PSPC1: variants seen among roughly 807,000 people sequenced by gnomAD.
PSPC1 encodes paraspeckle protein 1.
In PSPC1, 14 loss-of-function variants were observed where a neutral mutation model predicts 51.6. The ratio of observed to expected loss-of-function variants is 0.27; its 90% CI spans 0.18 to 0.42. PSPC1 has a LOEUF of 0.42. Ranked by LOEUF, PSPC1 falls within the 10% of genes least tolerant of loss-of-function variation. The probability of loss-of-function intolerance (pLI) is 1.00; values close to 1 mark genes in which losing one functional copy is unlikely to be tolerated. For synonymous variants in PSPC1, 193 were observed against 231.9 expected, an observed-to-expected ratio of 0.83 and a Z score of 1.53; for missense variants, 406 against 701.1, an observed-to-expected ratio of 0.58 and a Z score of 4.75.
At chr13:19,674,449 C>G (rs1388460910), downstream of PSPC1, among the ~76,000 whole-genome samples, 1 of 152,226 alleles carries the variant, frequency 6.6e-6, no homozygotes, top group African/African-American at 2.4e-5. Context: ...AGCTCAGGTG[C>G]TACTTCTGAG....
intron 1 of PSPC1, among the ~76,000 whole-genome samples, chr13:19,775,789 G>A (rs1458392740): frequency 6.6e-6 from 1 of 152,104 alleles, no homozygotes; most frequent in African/African-American, 2.4e-5. Context: ...AGTGGCTCAC[G>A]CCTGTAATCC....
At position 19,761,644 on chromosome 13, in the gene PSPC1, A is replaced by G. The variant is rs187368784; in HGVS notation, c.675-2226T>C. On this transcript the variant is annotated intron_variant, in intron 2 of 8. Transcript: ENST00000338910. ...ACAGTTAAAGCAGGTATGGAATATC[A>G]TGGAGTGGTGGAATGAGATTATAGA... is the stretch of plus-strand genomic sequence containing the variant. Among the ~76,000 whole-genome samples the G allele has an allele frequency of 4.9e-3, 754 of 152,342 alleles. 2 individuals are homozygous for G. The highest frequency in any genetic ancestry group is 0.012 in the Admixed American group (176 of 15,294).
chr13:19,755,504 C>T (rs889371466), intron 3 of PSPC1, among the ~76,000 whole-genome samples: 3 of 151,812 alleles, frequency 2.0e-5, no homozygotes, highest in African/African-American at 7.2e-5. Context: ...AGGAGAATCA[C>T]TTGAACCTGG....
intron 5 of PSPC1, among the ~76,000 whole-genome samples, chr13:19,730,917 A>G (rs1191424452): frequency 1.5e-5 from 2 of 134,190 alleles, no homozygotes; most frequent in Non-Finnish European, 3.1e-5. Context: ...CCTGCACTCC[A>G]GACTGGGCAA....
At chr13:19,772,572 A>C in intron 1 of PSPC1, 29 bp from the exon 2 acceptor site, 1 of 1,555,268 alleles carries the variant, frequency 6.4e-7, no homozygotes, top group African/African-American at 1.4e-5. Context: ...CATTTTTAAA[A>C]GATGACAGTA....
At chr13:19,746,177 G>C (rs541995913) in intron 4 of PSPC1, among the ~76,000 whole-genome samples, 1 of 151,792 alleles carries the variant, frequency 6.6e-6, no homozygotes, top group South Asian at 2.1e-4. Context: ...GCTGAGGTGG[G>C]CGGATCACGA....
At chr13:19,749,743 A>T (rs887648902) in intron 4 of PSPC1, among the ~76,000 whole-genome samples, 4 of 151,468 alleles carry the variant, frequency 2.6e-5, no homozygotes, top group African/African-American at 9.7e-5. Context: ...GGTTCAAGTA[A>T]TTCCCTGCCT....
At position 19,749,699 on chromosome 13, in the gene PSPC1, C is replaced by T. The variant is rs374387677; in HGVS notation, c.967+1572G>A. Among the ~76,000 whole-genome samples the T allele has an allele frequency of 2.2e-4, 32 of 146,024 alleles. No individual in the cohort carries two copies. The East Asian group carries it at 4.1e-3, about 19-fold the overall frequency. On this transcript the variant is annotated intron_variant, in intron 4 of 8. Transcript: ENST00000338910. ...TGTCGCCCAGGCTGGAGTGCAGTGG[C>T]GTGATCTCGGCTTACCGCAACCTCC...
intron 6 of PSPC1, among the ~76,000 whole-genome samples, chr13:19,682,486 CAAA>C (rs138769031): frequency 0.073 from 7,179 of 98,660 alleles, 184 homozygotes; most frequent in South Asian, 0.12. Context: ...GGCTGAATGG[CAAA>C]AAAAAAAAAA....
intron 2 of PSPC1, 134 bp from the exon 3 acceptor site, chr13:19,759,552 T>C (rs1253468834): frequency 3.0e-6 from 2 of 657,090 alleles, no homozygotes; most frequent in Non-Finnish European, 5.1e-6. Context: ...CTCAGAAGTA[T>C]CATTTGTACT....
intron 6 of PSPC1, chr13:19,678,785 C>G (rs1876949729): frequency 6.6e-6 from 1 of 152,280 alleles, no homozygotes; most frequent in African/African-American, 2.4e-5. Context: ...GAGAGAGGGT[C>G]TCACTTTGTC....
chr13:19,771,429 C>T (rs757861611), intron 2 of PSPC1, among the ~76,000 whole-genome samples: 3 of 152,034 alleles, frequency 2.0e-5, no homozygotes, highest in African/African-American at 4.8e-5. Flanking sequence ...TAAGCCACCG[C>T]GCCTGGCCCA....
chr13:19,715,555 G>A (rs1881988229), intron 6 of PSPC1, among the ~76,000 whole-genome samples: 1 of 152,090 alleles, frequency 6.6e-6, no homozygotes, highest in South Asian at 2.1e-4. Context: ...CATGTGATGG[G>A]TCTAAGTCAA....
At chr13:19,714,142 A>G (rs988129625) in intron 6 of PSPC1, among the ~76,000 whole-genome samples, 1 of 152,224 alleles carries the variant, frequency 6.6e-6, no homozygotes, top group Non-Finnish European at 1.5e-5. Flanking sequence ...TGTTCTTCAC[A>G]ATAAAACAGG....
At chr13:19,697,998 T>C (rs1011252178), downstream of PSPC1, among the ~76,000 whole-genome samples, 3 of 151,940 alleles carry the variant, frequency 2.0e-5, no homozygotes, top group Non-Finnish European at 4.4e-5. Flanking sequence ...CATGGCAAAG[T>C]GAACAGGCAC....
chr13:19,772,748 T>C (rs1415442786), intron 1 of PSPC1, among the ~76,000 whole-genome samples: 2 of 152,224 alleles, frequency 1.3e-5, no homozygotes, highest in Non-Finnish European at 2.9e-5. Flanking sequence ...CCCAACTCCA[T>C]TGTTTTGTTA....
chr13:19,677,747 A>G (rs1474183753), exon 7 of PSPC1: 1 of 474,122 alleles, frequency 2.1e-6, no homozygotes, highest in Non-Finnish European at 4.3e-6. Flanking sequence ...TGATTCCAGT[A>G]CTTCTGGTCT....
intron 6 of PSPC1, among the ~76,000 whole-genome samples, chr13:19,683,740 T>A (rs184833899): frequency 6.6e-6 from 1 of 152,236 alleles, no homozygotes; most frequent in East Asian, 1.9e-4. Context: ...TTTATAAATA[T>A]TAAAAATAAC....
downstream of PSPC1, among the ~76,000 whole-genome samples, chr13:19,702,236 T>C (rs571568673): frequency 7.2e-5 from 11 of 152,296 alleles, no homozygotes; most frequent in South Asian, 2.3e-3. Context: ...TAGGGAAATA[T>C]TTACAACACT....
Sources: gnomAD v4.1 joint callset for allele counts (sites outside exome capture counted in the v4.1 genomes callset) on GRCh38, gnomAD v4.1.1 for gene constraint, MANE v1.5 for transcripts, NCBI Gene and HGNC (gene_info 2026-07-23, HGNC 2026-07-21) for gene names.